The following SEPTIN9 variants were observed in gnomAD, a reference collection of about 807,000 sequenced individuals.
SEPTIN9 encodes the protein septin-9.
A neutral mutation model predicts 56.6 loss-of-function variants in SEPTIN9; 13 were observed. The ratio of observed to expected loss-of-function variants is 0.23; its 90% CI spans 0.15 to 0.37. The LOEUF is 0.37. Ranked by LOEUF, SEPTIN9 falls within the 10% of genes least tolerant of loss-of-function variation. The probability of loss-of-function intolerance (pLI) is 1.00; values close to 1 mark genes in which losing one functional copy is unlikely to be tolerated. For missense variants in SEPTIN9, 650 were observed against 823.1 expected, an observed-to-expected ratio of 0.79 and a Z score of 2.57; for synonymous variants, 332 against 334.1, an observed-to-expected ratio of 0.99 and a Z score of 0.07.
intron 2 of SEPTIN9, among the ~76,000 whole-genome samples, chr17:77,360,001 T>A (rs2034363222): frequency 6.6e-6 from 1 of 151,642 alleles, no homozygotes; most frequent in African/African-American, 2.4e-5. Context: ...GTACTACAAA[T>A]ACAAAATTAG....
intron 3 of SEPTIN9, among the ~76,000 whole-genome samples, chr17:77,413,273 T>G (rs1168017465): frequency 6.6e-6 from 1 of 152,176 alleles, no homozygotes. Flanking sequence ...CGTGAAACCA[T>G]CTGAGCCTGA....
At position 77,313,571 on chromosome 17, in the gene SEPTIN9, T is replaced by C. The variant is rs2032589584; in HGVS notation, c.76+6374T>C. Among the ~76,000 whole-genome samples, 1 of 151,888 alleles carries C rather than the reference T, an allele frequency of 6.6e-6. No individual in the cohort carries two copies. Among genetic ancestry groups the C allele is most frequent in the Admixed American group, 6.6e-5 (1 of 15,262 alleles). ...TTGGGAGGCTGTAGGCGGGCCAGGC[T>C]GGGGCCAGCCTGGAGGGTCTTGGCT... is the stretch of plus-strand genomic sequence containing the variant. On this transcript the variant is annotated intron_variant, in intron 2 of 11. Coordinates refer to ENST00000427177, the MANE Select transcript of SEPTIN9 (RefSeq NM_001113491.2). This position sits in a 1 kb window ranked among gnomAD's most constrained non-coding sequence, Gnocchi z 4.5.
chr17:77,466,394 AGTTC>A, intron 3 of SEPTIN9: 1 of 985,380 alleles, frequency 1.0e-6, no homozygotes, highest in Non-Finnish European at 1.2e-6. Flanking sequence ...TCCTTCCCGG[AGTTC>A]GGGCTGGAAG....
chr17:77,397,517 G>T (rs534006990), intron 2 of SEPTIN9, among the ~76,000 whole-genome samples: 1 of 152,230 alleles, frequency 6.6e-6, no homozygotes, highest in African/African-American at 2.4e-5. Flanking sequence ...ATGTCTTTTT[G>T]GGGGTCACTA....
rs1329070011 is a variant in SEPTIN9, at chr17:77,435,325, C to A, written c.721+32622C>A. Among the ~76,000 whole-genome samples, 1 of 152,162 alleles carries A rather than the reference C, an allele frequency of 6.6e-6. No individual in the cohort carries two copies. The highest frequency in any genetic ancestry group is 2.4e-5 in the African/African-American group (1 of 41,446). On this transcript the variant is annotated intron_variant, in intron 3 of 11. Coordinates refer to ENST00000427177, the MANE Select transcript of SEPTIN9 (RefSeq NM_001113491.2). This position sits in a 1 kb window ranked among gnomAD's most constrained non-coding sequence, Gnocchi z 4.5. ...GTGCAGTGACTTGGCCAGCTTCGCA[C>A]GGCAGGTTAGTGGCAGAGCTGAGCA...
At chr17:77,493,865 TG>T (rs2143430977) in intron 10 of SEPTIN9, among the ~76,000 whole-genome samples, 1 of 150,622 alleles carries the variant, frequency 6.6e-6, no homozygotes, top group Admixed American at 6.7e-5. Context: ...CTCTGCCTCC[TG>T]GGTTCAAGTA....
At chr17:77,349,742 C>T (rs938991723) in intron 2 of SEPTIN9, among the ~76,000 whole-genome samples, 1 of 152,226 alleles carries the variant, frequency 6.6e-6, no homozygotes, top group African/African-American at 2.4e-5. Flanking sequence ...TCTATACTGA[C>T]TCCAGGCTGT....
chr17:77,349,375 C>T (rs7216992), intron 2 of SEPTIN9, among the ~76,000 whole-genome samples: 53,284 of 152,082 alleles, frequency 0.35, 10,420 homozygotes, highest in East Asian at 0.5. Context: ...CTTTGGCCTC[C>T]TAAAATGCTG....
At position 77,402,760 on chromosome 17, in the gene SEPTIN9, G is replaced by A. The variant is rs566724378; in HGVS notation, c.721+57G>A. The A allele has an allele frequency of 3.2e-5, 48 of 1,492,710 alleles. No homozygotes were observed. In the East Asian group the frequency reaches 1.1e-3, roughly 34 times the overall value. 92.5% of individuals were successfully genotyped at this position (1,492,710 alleles called of 1,614,324 possible). On this transcript the variant is annotated intron_variant, in intron 3 of 11. Coordinates refer to ENST00000427177, the MANE Select transcript of SEPTIN9 (RefSeq NM_001113491.2). This position sits in a 1 kb window ranked among gnomAD's most constrained non-coding sequence, Gnocchi z 6.6. Reference sequence around the variant, plus strand: ...GTGGTAATGGGGGGCCTGGTTGCTGGCTTTGCCACAGAATCTTGGAGGAAG... The same window carrying A: ...GTGGTAATGGGGGGCCTGGTTGCTGACTTTGCCACAGAATCTTGGAGGAAG...
chr17:77,298,120 G>C (rs1281060081), intron 1 of SEPTIN9, among the ~76,000 whole-genome samples: 1 of 152,368 alleles, frequency 6.6e-6, no homozygotes, highest in African/African-American at 2.4e-5. Context: ...AGGAGAATGT[G>C]TTACCTCCAA....
intron 1 of SEPTIN9, among the ~76,000 whole-genome samples, chr17:77,284,408 C>T (rs2031178477): frequency 6.6e-6 from 1 of 152,226 alleles, no homozygotes; most frequent in Non-Finnish European, 1.5e-5. Flanking sequence ...TCCACTGCTG[C>T]TCCAGGCTTT....
chr17:77,426,046 G>GGCCTCCACACCTCCCAGC (rs1279813274), intron 3 of SEPTIN9, among the ~76,000 whole-genome samples: 1 of 152,102 alleles, frequency 6.6e-6, no homozygotes, highest in African/African-American at 2.4e-5. Flanking sequence ...CTCAGGAGGA[G>GGCCTCCACACCTCCCAGC]GCCTCCACAC....
At chr17:77,432,912 G>C (rs1469396349) in intron 3 of SEPTIN9, among the ~76,000 whole-genome samples, 3 of 152,212 alleles carry the variant, frequency 2.0e-5, no homozygotes, top group Admixed American at 1.3e-4. Flanking sequence ...CCCCCTCCCA[G>C]GAATTTCTGG....
chr17:77,406,778 C>A (rs2036096300), intron 3 of SEPTIN9, among the ~76,000 whole-genome samples: 1 of 152,038 alleles, frequency 6.6e-6, no homozygotes, highest in Non-Finnish European at 1.5e-5. Flanking sequence ...TCAAGCGATT[C>A]TTCTGCCTCA....
intron 3 of SEPTIN9, among the ~76,000 whole-genome samples, chr17:77,406,447 C>CT (rs5822199): frequency 0.34 from 50,948 of 149,238 alleles, 8,791 homozygotes; most frequent in Non-Finnish European, 0.4. Context: ...CTCTGCTAGA[C>CT]TTTTTTTTTT....
In SEPTIN9 at chr17:77,476,496, G is replaced by A. The variant is rs756421075; in HGVS notation, c.722-5648G>A. Among the ~76,000 whole-genome samples the A allele has an allele frequency of 6.6e-6, 1 of 152,196 alleles. No homozygotes were observed. Among genetic ancestry groups the A allele is most frequent in the African/African-American group, 2.4e-5 (1 of 41,438 alleles). Reference sequence around the variant, plus strand: ...CCAGAGGGTGCTGGCTCAGGGCTGCGTGGATTACAGCCCTTTCATCCCTGC... The same window carrying A: ...CCAGAGGGTGCTGGCTCAGGGCTGCATGGATTACAGCCCTTTCATCCCTGC... On this transcript the variant is annotated intron_variant, in intron 3 of 11. Transcript: ENST00000427177. The surrounding 1 kb of genome is among the most constrained non-coding windows in gnomAD (Gnocchi z 6.0).
chr17:77,431,975 T>A (rs2037156730), intron 3 of SEPTIN9, among the ~76,000 whole-genome samples: 1 of 151,708 alleles, frequency 6.6e-6, no homozygotes, highest in African/African-American at 2.4e-5. Context: ...TTCAAAAAAA[T>A]GTTTCGTGGC....
rs1351588741 is a variant in SEPTIN9 at position 77,369,134 on chromosome 17, T to A, written c.77-32925T>A. Among the ~76,000 whole-genome samples the A allele has an allele frequency of 6.6e-6, 1 of 152,082 alleles. No homozygotes were observed. The highest frequency in any genetic ancestry group is 2.4e-5 in the African/African-American group (1 of 41,390). ...CTGTAATCCGAGCTACTTGGGAGGC[T>A]GAGGCAGGAGAATCACTTGAACCTG... is the stretch of plus-strand genomic sequence containing the variant. On this transcript the variant is annotated intron_variant, in intron 2 of 11. Transcript: ENST00000427177. The surrounding 1 kb of genome is among the most constrained non-coding windows in gnomAD (Gnocchi z 4.9).
At chr17:77,357,318 G>T (rs972083169) in intron 2 of SEPTIN9, among the ~76,000 whole-genome samples, 1 of 152,146 alleles carries the variant, frequency 6.6e-6, no homozygotes. Flanking sequence ...TGCTCCTGCT[G>T]CAACAGCTAC....
Sources: allele counts gnomAD v4.1 joint callset (sites outside exome capture counted in the v4.1 genomes callset), GRCh38; gene constraint gnomAD v4.1.1; non-coding constraint Gnocchi (gnomAD v3.1); transcripts MANE v1.5; gene names NCBI Gene and HGNC (gene_info 2026-07-23, HGNC 2026-07-21).